The following RALGAPB variants were observed in gnomAD, a reference collection of about 807,000 sequenced individuals.
RALGAPB encodes ral GTPase-activating protein subunit beta.
In RALGAPB, 25 loss-of-function variants were observed where a neutral mutation model predicts 161.1. The observed-to-expected ratio is 0.16, with a 90% confidence interval of 0.11 to 0.22. RALGAPB has a LOEUF of 0.22. RALGAPB is among the 10% of genes least tolerant of loss of function. The pLI is 1.00. For synonymous variants in RALGAPB, 629 were observed against 626.1 expected (o/e 1.00, Z -0.07); for missense variants, 1,391 against 1,815.2 (o/e 0.77, Z 4.25).
At chr20:38,512,345 G>A (rs904286978) in intron 6 of RALGAPB, among the ~76,000 whole-genome samples, 4 of 152,210 alleles carry the variant, frequency 2.6e-5, no homozygotes, top group African/African-American at 7.2e-5. Flanking sequence ...AAAGTACTTC[G>A]GATGCAGTAA....
intron 25 of RALGAPB, 101 bp downstream of exon 25, chr20:38,565,579 A>G: frequency 7.3e-7 from 1 of 1,361,186 alleles, no homozygotes; most frequent in Non-Finnish European, 1.0e-6. Context: ...GATCTAAGGC[A>G]TTCTTTAGCT....
At chr20:38,499,281 A>C (rs1379752805) in intron 4 of RALGAPB, among the ~76,000 whole-genome samples, 166 bp from the exon 5 acceptor site, 1 of 152,100 alleles carries the variant, frequency 6.6e-6, no homozygotes, top group Non-Finnish European at 1.5e-5. Flanking sequence ...GGGTACAGGA[A>C]CTCCTAAGAA....
At chr20:38,532,141 C>T (rs980037790) in intron 14 of RALGAPB, among the ~76,000 whole-genome samples, 1 of 152,112 alleles carries the variant, frequency 6.6e-6, no homozygotes, top group Non-Finnish European at 1.5e-5. Context: ...CTGCAAACTC[C>T]GCCTCCCAGG....
At chr20:38,516,457 C>A in intron 7 of RALGAPB, 87 bp downstream of exon 7, 3 of 1,225,404 alleles carry the variant, frequency 2.4e-6, no homozygotes, top group South Asian at 2.2e-5. Context: ...AGAAAACATC[C>A]GAAGGAAAAG....
rs2088502766 is a variant in RALGAPB, at chr20:38,578,069, T to A, written c.*3102T>A. ...TAAAAATAAATAAATAAATAAATAA[T>A]AAAAAAAGAAACATGTATTGGAGGT... On this transcript the variant is annotated 3_prime_UTR_variant, in exon 30 of 30. Transcript: ENST00000262879. 1 of 151,502 alleles carries A rather than the reference T, an allele frequency of 6.6e-6. No homozygotes were observed. Among genetic ancestry groups the A allele is most frequent in the African/African-American group, 2.4e-5 (1 of 40,936 alleles). The allele number at this position is 151,502 out of a possible 1,614,324, so 9.4% of individuals were successfully genotyped here.
intron 1 of RALGAPB, among the ~76,000 whole-genome samples, chr20:38,479,492 T>TG (rs376576071): frequency 4.6e-5 from 7 of 152,348 alleles, no homozygotes; most frequent in African/African-American, 1.7e-4. Context: ...AGACCAAACT[T>TG]GCATGTTATT....
chr20:38,525,476 T>C lies in RALGAPB; in HGVS notation c.1860T>C (p.Ser620=). The change falls in exon 12 of 30, where the codon TCT becomes TCC. Residue 620 remains serine, a synonymous_variant. Coordinates refer to ENST00000262879, the MANE Select transcript of RALGAPB (RefSeq NM_020336.4). ...LRRSSINILL[S]LLPLPHHFGT... is the part of the protein sequence containing the mutation. ...GATCCTCCATTAATATCCTGCTTTC[T>C]TTGTTGCCCCTCCCTCATCATTTTG... is the stretch of plus-strand genomic sequence containing the variant. The C allele has an allele frequency of 6.2e-7, 1 of 1,606,834 alleles. No individual in the cohort carries two copies. The highest frequency in any genetic ancestry group is 1.7e-4 in the Middle Eastern group (1 of 6,048).
chr20:38,482,048 A>G (rs1320703132), intron 1 of RALGAPB, among the ~76,000 whole-genome samples: 1 of 152,190 alleles, frequency 6.6e-6, no homozygotes, highest in Non-Finnish European at 1.5e-5. Context: ...TGCCAAAACT[A>G]GTAATAGTCT....
chr20:38,564,042 T>C (rs1316816609), intron 24 of RALGAPB, among the ~76,000 whole-genome samples: 1 of 152,194 alleles, frequency 6.6e-6, no homozygotes, highest in East Asian at 1.9e-4. Context: ...AAAGATAGAA[T>C]GACTCTGGTA....
Position 38,549,544 on chromosome 20 carries a change from A to AT in RALGAPB, c.3009+749_3009+750insT, listed in dbSNP as rs1468737406. 1.0e-2 allele frequency among the ~76,000 whole-genome samples: 1,217 copies of AT among 122,278 alleles called. 19 individuals carry two copies. Among genetic ancestry groups the AT allele is most frequent in the African/African-American group, 0.033 (1,135 of 34,702 alleles). The allele number at this position is 122,278 out of a possible 152,430, so 80.2% of individuals were successfully genotyped here. On this transcript the variant is annotated intron_variant, in intron 20 of 29. Transcript: ENST00000262879. Reference sequence around the variant, plus strand: ...ACACCCAGCCTAATTAAAAAAAAAAAAAAAAATATATATATATATACACAC... The same window carrying AT: ...ACACCCAGCCTAATTAAAAAAAAAAATAAAAAATATATATATATATACACAC...
At chr20:38,564,892 CTCT>C (rs2087932121) in intron 24 of RALGAPB, among the ~76,000 whole-genome samples, 1 of 151,388 alleles carries the variant, frequency 6.6e-6, no homozygotes, top group South Asian at 2.1e-4. Flanking sequence ...CTTCCTCCTC[CTCT>C]TTTCCTCCTC....
intron 28 of RALGAPB, among the ~76,000 whole-genome samples, chr20:38,571,057 T>G (rs996256250): frequency 6.6e-6 from 1 of 152,216 alleles, no homozygotes; most frequent in African/African-American, 2.4e-5. Flanking sequence ...GAAGTATAAC[T>G]GATTGACTTG....
intron 23 of RALGAPB, 52 bp downstream of exon 23, chr20:38,558,505 C>T (rs373078695): frequency 2.5e-5 from 34 of 1,368,100 alleles, no homozygotes; most frequent in African/African-American, 2.3e-4. Context: ...TATAAATACA[C>T]GTCTAAAGAA....
chr20:38,538,318 G>A (rs927437362), intron 16 of RALGAPB: 34 of 210,448 alleles, frequency 1.6e-4, no homozygotes, highest in African/African-American at 7.2e-4. Flanking sequence ...AAGCTCATGC[G>A]TCCTGGGCCC....
chr20:38,561,590 A>G (rs2087788172), intron 23 of RALGAPB, among the ~76,000 whole-genome samples: 1 of 152,224 alleles, frequency 6.6e-6, no homozygotes. Flanking sequence ...GAGCAGGCGA[A>G]GAGAACCTTA....
intron 18 of RALGAPB, among the ~76,000 whole-genome samples, chr20:38,541,538 C>T (rs1214658971): frequency 6.6e-6 from 1 of 152,102 alleles, no homozygotes; most frequent in East Asian, 1.9e-4. Context: ...ACTGTTAGAT[C>T]TGCTTTCCAG....
rs202059387 is a variant in RALGAPB at position 38,509,162 on chromosome 20, A to C, written c.826A>C (p.Asn276His). 586 of 1,613,794 alleles carry C rather than the reference A, an allele frequency of 3.6e-4. 7 individuals are homozygous for C. The highest frequency in any genetic ancestry group is 6.4e-5 in the Non-Finnish European group (76 of 1,179,760). Residue 276 changes from asparagine (N) to histidine (H), a missense_variant, in exon 6 of 30, where the codon AAT becomes CAT. Asn to His is a moderately conservative substitution (Grantham distance 68, BLOSUM62 1). Coordinates refer to ENST00000262879, the MANE Select transcript of RALGAPB (RefSeq NM_020336.4). ...DASLIPPEMD[N>H]ECVAQTWFRF... Reference sequence around the variant, plus strand: ...CAGTCTGATCCCTCCAGAAATGGATAATGAGTGTGTTGCACAGACATGGTT... The same window carrying C: ...CAGTCTGATCCCTCCAGAAATGGATCATGAGTGTGTTGCACAGACATGGTT...
At position 38,531,191 on chromosome 20, in the gene RALGAPB, A is replaced by G; in HGVS notation, c.2075A>G (p.Asp692Gly). ...GGGGCAATGTTAAATATTGTTCAAG[A>G]TTCAGCACTTTTGGAAGCCATTGGT... ...ILGAMLNIVQ[D>G]SALLEAIGCQ... The change falls in exon 14 of 30, where the codon GAT (aspartate) becomes GGT (glycine). Residue 692 changes from aspartate to glycine, a missense_variant. Around this residue, in one of 3 missense-constraint regions of RALGAPB, gnomAD observed 946 missense variants for 1,257.2 expected, o/e 0.75. Coordinates refer to ENST00000262879, the MANE Select transcript of RALGAPB (RefSeq NM_020336.4). 1 of 1,610,944 alleles carries G rather than the reference A, an allele frequency of 6.2e-7. No homozygotes were observed. Among genetic ancestry groups the G allele is most frequent in the Non-Finnish European group, 8.5e-7 (1 of 1,177,332 alleles).
intron 1 of RALGAPB, among the ~76,000 whole-genome samples, chr20:38,486,987 T>C (rs2085133855): frequency 6.6e-6 from 1 of 152,176 alleles, no homozygotes; most frequent in Non-Finnish European, 1.5e-5. Context: ...ACACCACTAA[T>C]GAATGAGCTA....
Sources: allele counts gnomAD v4.1 joint callset (sites outside exome capture counted in the v4.1 genomes callset), GRCh38; gene constraint gnomAD v4.1.1; regional missense constraint gnomAD v4.1.1; transcripts MANE v1.5; gene names NCBI Gene and HGNC (gene_info 2026-07-23, HGNC 2026-07-21).